Variants in WDR49 observed in about 807,000 individuals in gnomAD.
The protein encoded by WDR49 is cilia- and flagella-associated protein 337.
WDR49 carries 107 observed loss-of-function variants against 119.5 expected under a neutral mutation model. The observed-to-expected ratio is 0.90, with a 90% CI of 0.77 to 1.05. The LOEUF is 1.05. WDR49 is among the 50% of genes least tolerant of loss of function. WDR49 has a pLI of 0.00. For missense variants in WDR49, 1,240 were observed against 1,220.5 expected (o/e 1.02, Z -0.24); for synonymous variants, 425 against 418.8 (o/e 1.01, Z -0.18).
chr3:167,645,236 A>T (rs1385589035), intron 2 of WDR49, among the ~76,000 whole-genome samples: 1 of 151,716 alleles, frequency 6.6e-6, no homozygotes, highest in African/African-American at 2.4e-5. Context: ...TTTGAGATTG[A>T]GTTTCGCTCA....
chr3:167,557,630 G>A (rs1271844803), intron 9 of WDR49, among the ~76,000 whole-genome samples: 5 of 151,992 alleles, frequency 3.3e-5, no homozygotes, highest in African/African-American at 1.2e-4. Context: ...GCAGGCGCCT[G>A]TAGTCCCAGC....
intron 3 of WDR49, among the ~76,000 whole-genome samples, chr3:167,625,663 A>G (rs1269738730): frequency 1.3e-5 from 2 of 152,056 alleles, no homozygotes; most frequent in Non-Finnish European, 2.9e-5. Context: ...AACTGCTAAC[A>G]TCTCAGGAAG....
At chr3:167,600,603 C>A (rs1476363850) in intron 7 of WDR49, among the ~76,000 whole-genome samples, 1 of 152,118 alleles carries the variant, frequency 6.6e-6, no homozygotes, top group Non-Finnish European at 1.5e-5. Flanking sequence ...TTTACATTTT[C>A]AATACTGATG....
intron 5 of WDR49, among the ~76,000 whole-genome samples, chr3:167,615,144 T>C (rs1256665392): frequency 1.3e-5 from 2 of 152,228 alleles, no homozygotes; most frequent in African/African-American, 2.4e-5. Flanking sequence ...ATTCTTTCAT[T>C]GGTTATGACT....
intron 18 of WDR49, among the ~76,000 whole-genome samples, chr3:167,499,897 T>TA (rs748915132): frequency 5.9e-5 from 9 of 152,194 alleles, no homozygotes; most frequent in Non-Finnish European, 1.3e-4. Flanking sequence ...GATTCATAGA[T>TA]ACATGTTCAT....
intron 8 of WDR49, 115 bp from the exon 9 acceptor site, chr3:167,560,343 GA>G: frequency 1.8e-6 from 2 of 1,087,412 alleles, no homozygotes; most frequent in Non-Finnish European, 2.6e-6. Context: ...CCAACAGTCA[GA>G]GACATTTTTG....
chr3:167,519,047 G>T (rs1278174774), intron 16 of WDR49, among the ~76,000 whole-genome samples: 5 of 152,032 alleles, frequency 3.3e-5, no homozygotes, highest in Non-Finnish European at 7.4e-5. Context: ...CTGATCATTA[G>T]AGAAATGCAA....
At chr3:167,589,063 A>C (rs1714973081) in intron 7 of WDR49, among the ~76,000 whole-genome samples, 2 of 152,158 alleles carry the variant, frequency 1.3e-5, no homozygotes, top group Non-Finnish European at 2.9e-5. Flanking sequence ...GCAGATTCAT[A>C]GTTTGAGGTA....
In WDR49 at chr3:167,516,185, T is replaced by G. The variant is rs369005669; in HGVS notation, c.2774+6130A>C. On this transcript the variant is annotated intron_variant, in intron 16 of 18. Transcript: ENST00000682715. ...AGTTACGTATACAAGTGCCATGTTG[T>G]TGTGCTGCACCCAGTAACTCATCAT... Among the ~76,000 whole-genome samples the G allele has an allele frequency of 4.6e-5, 7 of 152,184 alleles. No individual in the cohort carries two copies. In the East Asian group the frequency reaches 9.6e-4, roughly 21 times the overall value.
chr3:167,595,907 G>T (rs527570491), intron 7 of WDR49, among the ~76,000 whole-genome samples: 2 of 149,806 alleles, frequency 1.3e-5, no homozygotes, highest in East Asian at 2.0e-4. Flanking sequence ...CACAGCAAAA[G>T]AAACTACCAT....
At chr3:167,595,848 C>A (rs1054732569) in intron 7 of WDR49, among the ~76,000 whole-genome samples, 24 of 151,690 alleles carry the variant, frequency 1.6e-4, no homozygotes, top group African/African-American at 4.6e-4. Flanking sequence ...GCAATGGCAA[C>A]AAAAGCCAAG....
chr3:167,648,653 G>A (rs1019822175), intron 2 of WDR49, among the ~76,000 whole-genome samples: 9 of 152,094 alleles, frequency 5.9e-5, no homozygotes, highest in East Asian at 5.8e-4. Flanking sequence ...CTTGCCATAC[G>A]ACTTGAAGTA....
chr3:167,490,173 A>T (rs955043954), intron 18 of WDR49, among the ~76,000 whole-genome samples: 1 of 152,182 alleles, frequency 6.6e-6, no homozygotes, highest in African/African-American at 2.4e-5. Flanking sequence ...AGTGGTGATG[A>T]TTAATCAAAA....
rs143718057 is a variant in WDR49 at position 167,560,197 on chromosome 3, G to A, written c.1541C>T (p.Ser514Phe). 1.4e-5 allele frequency: 22 copies of A among 1,613,974 alleles called. No individual in the cohort carries two copies. In the African/African-American group the frequency reaches 2.4e-4, roughly 18 times the overall value. Reference protein sequence around the residue: ...VISSDTGSTVSFWMIDTGQKI... With the variant: ...VISSDTGSTVFFWMIDTGQKI... ...CTGCCCAGTGTCTATCATCCAGAAG[G>A]AAACAGTAGACCCTGTATCAGAGCT... is the stretch of plus-strand genomic sequence containing the variant. Residue 514 changes from serine to phenylalanine, a missense_variant, in exon 9 of 19, where the codon TCC (serine) becomes TTC (phenylalanine). By Grantham distance (155) the Ser-to-Phe change is radical. Transcript: ENST00000682715.
intron 8 of WDR49, among the ~76,000 whole-genome samples, chr3:167,565,609 GAAGT>G (rs1306949526): frequency 6.6e-6 from 1 of 152,094 alleles, no homozygotes; most frequent in Admixed American, 6.6e-5. Context: ...CTGAGATGAA[GAAGT>G]AAGCCAACCA....
chr3:167,558,285 A>G (rs1713064757), intron 9 of WDR49, among the ~76,000 whole-genome samples: 1 of 152,222 alleles, frequency 6.6e-6, no homozygotes, highest in Non-Finnish European at 1.5e-5. Context: ...CAAAACATTA[A>G]TTAATTTAAA....
At chr3:167,538,128 A>G (rs1426526103) in intron 10 of WDR49, among the ~76,000 whole-genome samples, 1 of 152,104 alleles carries the variant, frequency 6.6e-6, no homozygotes, top group African/African-American at 2.4e-5. Flanking sequence ...GAGATTTCAT[A>G]TATCACCATG....
rs560227123 is a variant in WDR49 at position 167,481,396 on chromosome 3, GA to G, written c.3032-2401del. Among the ~76,000 whole-genome samples the G allele has an allele frequency of 8.6e-5, 13 of 151,492 alleles. No individual in the cohort carries two copies. In the East Asian group the frequency reaches 2.5e-3, roughly 29 times the overall value. ...ATGAAATATGAGGTAGCAAAACTCA[GA>G]AAAAGAGGGAAAAAATCACAAGGGA... On this transcript the variant is annotated intron_variant, in intron 18 of 18. Coordinates refer to ENST00000682715, the MANE Select transcript of WDR49 (RefSeq NM_001366157.1).
intron 18 of WDR49, among the ~76,000 whole-genome samples, chr3:167,482,306 T>C (rs796370171): frequency 3.9e-5 from 6 of 152,114 alleles, no homozygotes; most frequent in African/African-American, 1.4e-4. Context: ...CCAAAAACTA[T>C]AAATGGTGTC....
Sources: allele counts gnomAD v4.1 joint callset (sites outside exome capture counted in the v4.1 genomes callset), GRCh38; gene constraint gnomAD v4.1.1; transcripts MANE v1.5; gene names NCBI Gene and HGNC (gene_info 2026-07-23, HGNC 2026-07-21).